DDX27: variants seen among roughly 807,000 people sequenced by gnomAD.
DDX27 encodes the protein probable ATP-dependent RNA helicase DDX27.
In DDX27, 42 loss-of-function variants were observed where a neutral mutation model predicts 99.3. The observed-to-expected ratio is 0.42, with a 90% confidence interval of 0.33 to 0.55. The LOEUF is 0.55. Ranked by LOEUF, DDX27 falls within the 20% of genes least tolerant of loss-of-function variation. The probability of loss-of-function intolerance (pLI) is 0.07; values close to 1 mark genes in which losing one functional copy is unlikely to be tolerated. For missense variants in DDX27, 798 were observed against 976.8 expected (o/e 0.82, Z 2.44); for synonymous variants, 329 against 353.8 (o/e 0.93, Z 0.79).
rs1980318568 is a variant in DDX27, at chr20:49,236,603, A to G, written c.1687+93A>G. 2 of 1,294,928 alleles carry G rather than the reference A, an allele frequency of 1.5e-6. No homozygotes were observed. Among genetic ancestry groups the G allele is most frequent in the Admixed American group, 6.6e-5 (2 of 30,400 alleles). The allele number at this position is 1,294,928 out of a possible 1,614,324, so 80.2% of individuals were successfully genotyped here. ...TGAGAGCAGGTACTTTGCAGTTCAG[A>G]GCCAGATTTGAATTCCAGCCCTGCT... is the stretch of plus-strand genomic sequence containing the variant. On this transcript the variant is annotated intron_variant, in intron 14 of 20. Coordinates refer to ENST00000618172, the MANE Select transcript of DDX27 (RefSeq NM_017895.8). This position sits in a 1 kb window ranked among gnomAD's most constrained non-coding sequence, Gnocchi z 4.1.
At chr20:49,220,946 C>A (rs1274907024) in intron 1 of DDX27, among the ~76,000 whole-genome samples, 3 of 152,176 alleles carry the variant, frequency 2.0e-5, no homozygotes, top group Non-Finnish European at 2.9e-5. Context: ...TCTTCATGAC[C>A]AACACTCCAG....
At position 49,236,410 on chromosome 20, in the gene DDX27, T is replaced by G. The variant is rs1479433911; in HGVS notation, c.1587T>G (p.Ala529=). 2 of 1,613,070 alleles carry G rather than the reference T, an allele frequency of 1.2e-6. No homozygotes were observed. The highest frequency in any genetic ancestry group is 3.3e-5 in the Admixed American group (2 of 59,810). ...GGCGAACAGCACGTGCTGGCAGGGCTGGGCGCTCAGTCTCTCTGGTGGGAG... is the reference window on the plus strand; with the variant it reads ...GGCGAACAGCACGTGCTGGCAGGGCGGGGCGCTCAGTCTCTCTGGTGGGAG... The part of the protein sequence containing the change: ...RVGRTARAGR[A]GRSVSLVGED... The change falls in exon 14 of 21, where the codon GCT becomes GCG. Residue 529 remains alanine (A), a synonymous_variant. Coordinates refer to ENST00000618172, the MANE Select transcript of DDX27 (RefSeq NM_017895.8). This position sits in a 1 kb window ranked among gnomAD's most constrained non-coding sequence, Gnocchi z 4.1.
At chr20:49,232,794 A>G (rs1980164210) in intron 9 of DDX27, 2 of 152,340 alleles carry the variant, frequency 1.3e-5, no homozygotes, top group Non-Finnish European at 2.8e-5. Flanking sequence ...AAAAAAATTA[A>G]GTGGGTGTGG....
intron 6 of DDX27, among the ~76,000 whole-genome samples, chr20:49,226,142 T>C (rs900893659): frequency 6.6e-5 from 10 of 152,218 alleles, no homozygotes; most frequent in African/African-American, 2.4e-4. Context: ...GTCTGGCCGC[T>C]GCATTGTTTT....
chr20:49,232,092 G>T (rs1980133293), intron 9 of DDX27, among the ~76,000 whole-genome samples: 1 of 151,980 alleles, frequency 6.6e-6, no homozygotes, highest in Non-Finnish European at 1.5e-5. Flanking sequence ...TCGCTATGTT[G>T]TCAAGGCTGG....
At position 49,236,140 on chromosome 20, in the gene DDX27, CT is replaced by C; in HGVS notation, c.1428-9del. ...TGTCTGGATGAACAGCTGTTTGTGA[CT>C]GTTTCTAGGCGTTTTAAGGATGAAC... On this transcript the variant is annotated splice_polypyrimidine_tract_variant and intron_variant, in intron 12 of 20. Transcript: ENST00000618172. This position sits in a 1 kb window ranked among gnomAD's most constrained non-coding sequence, Gnocchi z 4.1. The C allele has an allele frequency of 1.2e-6, 2 of 1,605,088 alleles. No individual in the cohort carries two copies. Among genetic ancestry groups the C allele is most frequent in the South Asian group, 2.2e-5 (2 of 89,532 alleles).
chr20:49,238,984 A>C lies in DDX27; in HGVS notation c.1723A>C (p.Met575Leu). Residue 575 changes from methionine to leucine, a missense_variant, in exon 15 of 21, where the codon ATG (methionine) becomes CTG (leucine). By Grantham distance (15) the Met-to-Leu change is conservative. This residue lies in a region of DDX27 where 553 missense variants were observed against 727.9 expected (regional missense o/e 0.76). Coordinates refer to ENST00000618172, the MANE Select transcript of DDX27 (RefSeq NM_017895.8). ...ILKFRDKIEK[M>L]EKDVYAVLQL... ...CAAATTCCGGGACAAGATTGAGAAA[A>C]TGGAGAAAGATGTGTATGCAGTTCT... 1 of 1,614,116 alleles carries C rather than the reference A, an allele frequency of 6.2e-7. No individual in the cohort carries two copies. Among genetic ancestry groups the C allele is most frequent in the Non-Finnish European group, 8.5e-7 (1 of 1,180,010 alleles).
At chr20:49,224,110 C>T (rs117154335) in intron 4 of DDX27, among the ~76,000 whole-genome samples, 2,318 of 151,936 alleles carry the variant, frequency 0.015, 60 homozygotes, top group South Asian at 0.07. Context: ...TTTCTAGGCT[C>T]GAGCAGTCCT....
chr20:49,231,506 A>G (rs916568193), intron 9 of DDX27, among the ~76,000 whole-genome samples: 1 of 152,196 alleles, frequency 6.6e-6, no homozygotes, highest in Non-Finnish European at 1.5e-5. Context: ...AGGCGGAGGA[A>G]GTATTTGAGA....
At chr20:49,228,527 C>T (rs1404007040) in intron 7 of DDX27, among the ~76,000 whole-genome samples, 188 bp from the exon 8 acceptor site, 3 of 152,184 alleles carry the variant, frequency 2.0e-5, no homozygotes, top group East Asian at 3.8e-4. Flanking sequence ...CCTGCCTCGG[C>T]GTCCCAAAGT....
At chr20:49,234,036 C>A in intron 11 of DDX27, 1 of 283,118 alleles carries the variant, frequency 3.5e-6, no homozygotes, top group South Asian at 8.4e-5. Context: ...TGCTTCCACT[C>A]GGCCTTTTGT....
intron 4 of DDX27, among the ~76,000 whole-genome samples, chr20:49,223,921 A>C (rs1979783160): frequency 6.6e-6 from 1 of 152,116 alleles, no homozygotes; most frequent in South Asian, 2.1e-4. Context: ...CTCCATCCAC[A>C]GGCTGGAGTG....
intron 6 of DDX27, 136 bp from the exon 7 acceptor site, chr20:49,226,294 C>T (rs1400655563): frequency 1.4e-5 from 8 of 590,818 alleles, no homozygotes; most frequent in East Asian, 1.2e-4. Context: ...ACATAGTAGG[C>T]GTTCAGTGAA....
chr20:49,241,657 C>A (rs954681103), intron 16 of DDX27, among the ~76,000 whole-genome samples: 1 of 151,668 alleles, frequency 6.6e-6, no homozygotes, highest in Non-Finnish European at 1.5e-5. Flanking sequence ...TTTTAGTAGT[C>A]GGGGTTTCAC....
chr20:49,239,709 G>T (rs1439507196), intron 16 of DDX27, among the ~76,000 whole-genome samples: 4 of 151,832 alleles, frequency 2.6e-5, no homozygotes, highest in Non-Finnish European at 5.9e-5. Flanking sequence ...TGCAGCCTGG[G>T]GTTGGGGACC....
At chr20:49,233,995 G>T (rs1980218245) in intron 11 of DDX27, 2 of 351,032 alleles carry the variant, frequency 5.7e-6, no homozygotes, top group African/African-American at 2.0e-5. Context: ...CTGTCGCCTG[G>T]ATCGTTGCGC....
At position 49,221,609 on chromosome 20, in the gene DDX27, C is replaced by T. The variant is rs764022802; in HGVS notation, c.240+11C>T. 9 of 1,580,596 alleles carry T rather than the reference C, an allele frequency of 5.7e-6. No individual in the cohort carries two copies. The African/African-American group carries it at 8.1e-5, about 14-fold the overall frequency. On this transcript the variant is annotated intron_variant, in intron 2 of 20. Transcript: ENST00000618172. ...CAACTCAAGAAGAAGGTGAGACTGA[C>T]AGTGATGGACAGCTCCAGACTTTGG...
In DDX27 at chr20:49,221,598, G is replaced by C; in HGVS notation, c.240G>C (p.Lys80Asn). 6.3e-7 allele frequency: 1 copy of C among 1,596,600 alleles called. No individual in the cohort carries two copies. The highest frequency in any genetic ancestry group is 1.3e-5 in the African/African-American group (1 of 74,636). Residue 80 changes from lysine to asparagine, a missense_variant and splice_region_variant, in exon 2 of 21, where the codon AAG (lysine) becomes AAC (asparagine). Coordinates refer to ENST00000618172, the MANE Select transcript of DDX27 (RefSeq NM_017895.8). ...LADVMSQLKKKRAATTLDEKI... is the reference protein window; with the variant it reads ...LADVMSQLKKNRAATTLDEKI... ...ATGTCATGAGCCAACTCAAGAAGAA[G>C]GTGAGACTGACAGTGATGGACAGCT...
intron 16 of DDX27, among the ~76,000 whole-genome samples, chr20:49,241,458 G>C (rs931765902): frequency 2.6e-5 from 4 of 151,962 alleles, no homozygotes; most frequent in Non-Finnish European, 4.4e-5. Context: ...AGTGGAAGAA[G>C]TGCTTGCGGC....
Sources: gnomAD v4.1 joint callset for allele counts (sites outside exome capture counted in the v4.1 genomes callset) on GRCh38, gnomAD v4.1.1 for gene constraint, gnomAD v4.1.1 regional missense constraint, Gnocchi (gnomAD v3.1) non-coding constraint, MANE v1.5 for transcripts, NCBI Gene and HGNC (gene_info 2026-07-23, HGNC 2026-07-21) for gene names.